DCLK2: variants seen among roughly 807,000 people sequenced by gnomAD.
The protein encoded by DCLK2 is serine/threonine-protein kinase DCLK2.
A neutral mutation model predicts 78.4 loss-of-function variants in DCLK2; 31 were observed. The observed-to-expected ratio is 0.40, with a 90% CI of 0.30 to 0.53. The LOEUF (loss-of-function observed/expected upper bound fraction) is 0.53, where lower values mean the gene tolerates loss of function less well. Ranked by LOEUF, DCLK2 falls within the 20% of genes least tolerant of loss-of-function variation. The pLI, the probability that DCLK2 is intolerant of heterozygous loss-of-function variation, is 0.61. For synonymous variants in DCLK2, 407 were observed against 374.9 expected (o/e 1.09, Z -0.99); for missense variants, 872 against 973.7 (o/e 0.90, Z 1.39).
At chr4:150,246,904 G>T (rs1348352309) in intron 12 of DCLK2, among the ~76,000 whole-genome samples, 1 of 152,072 alleles carries the variant, frequency 6.6e-6, no homozygotes, top group Non-Finnish European at 1.5e-5. Flanking sequence ...ATTCTGCTTG[G>T]CATCTTGGGT....
intron 2 of DCLK2, among the ~76,000 whole-genome samples, chr4:150,181,957 A>G (rs1186541048): frequency 6.6e-6 from 1 of 152,116 alleles, no homozygotes; most frequent in Non-Finnish European, 1.5e-5. Context: ...GAATTTGTTT[A>G]TCTGGTTGTT....
At chr4:150,137,840 T>G (rs965217738) in intron 2 of DCLK2, among the ~76,000 whole-genome samples, 2 of 152,212 alleles carry the variant, frequency 1.3e-5, no homozygotes, top group African/African-American at 4.8e-5. Context: ...ACCATCTGTA[T>G]TTTCCATATT....
At position 150,247,604 on chromosome 4, in the gene DCLK2, G is replaced by A. The variant is rs1332687423; in HGVS notation, c.1780G>A (p.Glu594Lys). Residue 594 changes from glutamate (E) to lysine (K), a missense_variant and splice_region_variant, in exon 13 of 16, where the codon GAG (glutamate) becomes AAG (lysine). Around this residue, in one of 3 missense-constraint regions of DCLK2, gnomAD observed 219 missense variants for 230.1 expected, o/e 0.95. Coordinates refer to ENST00000296550, the MANE Select transcript of DCLK2 (RefSeq NM_001040260.4). ...TCCATTTCTTTGTCACTGGCTTAGT[G>A]AGAACAATCTCCAGGAAGATCTCTT... ...LLCGFPPFRS[E>K]NNLQEDLFDQ... The A allele has an allele frequency of 6.2e-7, 1 of 1,613,766 alleles. No homozygotes were observed. Among genetic ancestry groups the A allele is most frequent in the South Asian group, 1.1e-5 (1 of 91,018 alleles).
chr4:150,092,733 G>T (rs1730180791), intron 1 of DCLK2, among the ~76,000 whole-genome samples: 1 of 152,094 alleles, frequency 6.6e-6, no homozygotes, highest in African/African-American at 2.4e-5. Context: ...AAAAGCGTTT[G>T]ATAAAATTCA....
At chr4:150,224,303 C>T (rs1286158728) in intron 7 of DCLK2, among the ~76,000 whole-genome samples, 198 bp from the exon 8 acceptor site, 2 of 151,236 alleles carry the variant, frequency 1.3e-5, no homozygotes, top group African/African-American at 4.9e-5. Context: ...TGTGGTGGCT[C>T]ACGCCTGTAA....
chr4:150,104,543 A>C (rs1308649013), intron 2 of DCLK2, among the ~76,000 whole-genome samples: 1 of 152,104 alleles, frequency 6.6e-6, no homozygotes, highest in Non-Finnish European at 1.5e-5. Flanking sequence ...ACTAAAGCAC[A>C]TGCAACTAAA....
intron 15 of DCLK2, among the ~76,000 whole-genome samples, chr4:150,254,841 G>A (rs532672772): frequency 3.9e-5 from 6 of 152,216 alleles, no homozygotes; most frequent in African/African-American, 9.6e-5. Context: ...CACCTTGCCC[G>A]GCTAATTTTT....
At chr4:150,184,164 C>G (rs547853031) in intron 2 of DCLK2, among the ~76,000 whole-genome samples, 1 of 152,152 alleles carries the variant, frequency 6.6e-6, no homozygotes, top group Non-Finnish European at 1.5e-5. Context: ...GGTGAGAGGT[C>G]CAGACACAAA....
chr4:150,091,838 C>T (rs1232519861), intron 1 of DCLK2, among the ~76,000 whole-genome samples: 2 of 150,914 alleles, frequency 1.3e-5, no homozygotes, highest in South Asian at 2.1e-4. Context: ...AACATGAGAT[C>T]TGCCCTTTCA....
chr4:150,252,761 G>A (rs1744269356), intron 15 of DCLK2, among the ~76,000 whole-genome samples: 2 of 152,216 alleles, frequency 1.3e-5, no homozygotes, highest in African/African-American at 2.4e-5. Context: ...AATGTTGTAT[G>A]TTTATGTGTG....
At chr4:150,170,234 T>A (rs531046559) in intron 2 of DCLK2, among the ~76,000 whole-genome samples, 1 of 152,114 alleles carries the variant, frequency 6.6e-6, no homozygotes, top group Non-Finnish European at 1.5e-5. Context: ...ACTATAGACA[T>A]GGTTTCACCA....
chr4:150,112,941 G>C (rs1731800804), intron 2 of DCLK2, among the ~76,000 whole-genome samples: 1 of 151,220 alleles, frequency 6.6e-6, no homozygotes, highest in Admixed American at 6.6e-5. Context: ...CTCCCAAGTA[G>C]CTGGAATTAC....
intron 1 of DCLK2, among the ~76,000 whole-genome samples, chr4:150,096,726 G>A (rs1379370660): frequency 6.6e-6 from 1 of 152,214 alleles, no homozygotes; most frequent in East Asian, 1.9e-4. Flanking sequence ...TTTGCATTTG[G>A]CAGTTAGGTA....
At chr4:150,084,788 C>G (rs938446975) in intron 1 of DCLK2, among the ~76,000 whole-genome samples, 6 of 152,168 alleles carry the variant, frequency 3.9e-5, no homozygotes, top group African/African-American at 1.4e-4. Flanking sequence ...TTCTTCATTG[C>G]TCGTGAGGCC....
chr4:150,247,510 C>A, intron 12 of DCLK2, 93 bp from the exon 13 acceptor site: 3 of 995,938 alleles, frequency 3.0e-6, no homozygotes, highest in Middle Eastern at 4.2e-4. Flanking sequence ...AAGCCAGAGA[C>A]TGGACTCCTT....
chr4:150,211,313 A>AAGAG (rs140221411), intron 5 of DCLK2, among the ~76,000 whole-genome samples: 48 of 148,284 alleles, frequency 3.2e-4, no homozygotes, highest in African/African-American at 1.0e-3. Context: ...ACCAAGTGAT[A>AAGAG]AGAGAGAGAG....
chr4:150,085,897 G>A (rs182233394), intron 1 of DCLK2, among the ~76,000 whole-genome samples: 8 of 152,224 alleles, frequency 5.3e-5, no homozygotes, highest in African/African-American at 1.2e-4. Flanking sequence ...GTCTTCTTTC[G>A]CCTCTAAAGT....
intron 2 of DCLK2, among the ~76,000 whole-genome samples, chr4:150,175,172 A>AT (rs1736958575): frequency 1.5e-5 from 2 of 131,422 alleles, no homozygotes; most frequent in South Asian, 2.2e-4. Flanking sequence ...ATTTATATAT[A>AT]TTTATATATA....
At chr4:150,197,974 T>C (rs2126419608) in intron 3 of DCLK2, 28 bp from the exon 4 acceptor site, 1 of 1,584,060 alleles carries the variant, frequency 6.3e-7, no homozygotes, top group East Asian at 2.3e-5. Context: ...AAACCAGATT[T>C]AGTTAATGCA....
Sources: allele counts gnomAD v4.1 joint callset (sites outside exome capture counted in the v4.1 genomes callset), GRCh38; gene constraint gnomAD v4.1.1; regional missense constraint gnomAD v4.1.1; transcripts MANE v1.5; gene names NCBI Gene and HGNC (gene_info 2026-07-23, HGNC 2026-07-21).